The following GALNT2 variants were observed in gnomAD, a reference collection of about 807,000 sequenced individuals.
GALNT2 encodes the protein polypeptide N-acetylgalactosaminyltransferase 2.
Under a neutral mutation model 81.4 loss-of-function variants are expected in GALNT2, and 31 were observed. That is an observed-to-expected ratio of 0.38 (90% CI 0.29 to 0.51). GALNT2 has a LOEUF of 0.51. Among genes scored for constraint, GALNT2 ranks in the 20% least tolerant of loss-of-function variants. GALNT2 has a pLI of 0.87. For synonymous variants in GALNT2, 303 were observed against 287.4 expected, an observed-to-expected ratio of 1.05 and a Z score of -0.55; for missense variants, 629 against 765.7, an observed-to-expected ratio of 0.82 and a Z score of 2.11.
Position 230,090,540 on chromosome 1 carries a change from G to A in GALNT2, c.126+23134G>A, listed in dbSNP as rs140164023. 2.2e-3 allele frequency among the ~76,000 whole-genome samples: 335 copies of A among 152,256 alleles called. 3 individuals are homozygous for A. Among genetic ancestry groups the A allele is most frequent in the Admixed American group, 0.02 (303 of 15,300 alleles). The stretch of plus-strand genomic sequence containing the variant: ...TGTGTGTGGAGGTGAAGAATGGGAA[G>A]GGAAGGAGGGGTGGGGAGGGCTGGT... On this transcript the variant is annotated intron_variant, in intron 1 of 15. Coordinates refer to ENST00000366672, the MANE Select transcript of GALNT2 (RefSeq NM_004481.5).
intron 1 of GALNT2, among the ~76,000 whole-genome samples, chr1:230,091,329 C>T (rs1024448007): frequency 1.1e-4 from 16 of 152,098 alleles, no homozygotes; most frequent in African/African-American, 3.9e-4. Flanking sequence ...CCACCTTGGC[C>T]TCCCAAAGTG....
intron 1 of GALNT2, among the ~76,000 whole-genome samples, chr1:230,141,979 A>G (rs1661755637): frequency 6.6e-6 from 1 of 151,364 alleles, no homozygotes; most frequent in Admixed American, 6.6e-5. Flanking sequence ...TTTGTTAGAG[A>G]CGAGAGCCTC....
chr1:230,167,554 G>A (rs573581649), intron 1 of GALNT2, among the ~76,000 whole-genome samples: 2 of 152,368 alleles, frequency 1.3e-5, no homozygotes, highest in African/African-American at 4.8e-5. Context: ...ATGGGAGATG[G>A]TGGCACCTAC....
intron 1 of GALNT2, among the ~76,000 whole-genome samples, chr1:230,089,601 G>C (rs534706853): frequency 2.0e-5 from 3 of 152,114 alleles, no homozygotes; most frequent in Admixed American, 6.5e-5. Flanking sequence ...TGGCGGCCAG[G>C]GTTCTACCTT....
chr1:230,095,503 C>T (rs1025497436), intron 1 of GALNT2, among the ~76,000 whole-genome samples: 1 of 152,194 alleles, frequency 6.6e-6, no homozygotes, highest in Non-Finnish European at 1.5e-5. Flanking sequence ...GTGTGCTGCT[C>T]TGTGACGAGC....
chr1:230,095,012 A>G (rs7523343), intron 1 of GALNT2, among the ~76,000 whole-genome samples: 33,266 of 152,088 alleles, frequency 0.22, 3,650 homozygotes, highest in East Asian at 0.38. Flanking sequence ...TCACGGTCAC[A>G]GGACTGTCAC....
In GALNT2 at chr1:230,243,253, T is replaced by G. The variant is rs1181155449; in HGVS notation, c.608-53T>G. ...GGCGTCGCCGGTTGGCATGGGGTTGTGCTGGCCCTGTGGCTTCTCTCTCCT... is the reference window on the plus strand; with the variant it reads ...GGCGTCGCCGGTTGGCATGGGGTTGGGCTGGCCCTGTGGCTTCTCTCTCCT... On this transcript the variant is annotated intron_variant, in intron 6 of 15. Coordinates refer to ENST00000366672, the MANE Select transcript of GALNT2 (RefSeq NM_004481.5). This position sits in a 1 kb window ranked among gnomAD's most constrained non-coding sequence, Gnocchi z 4.2. 2 of 1,550,750 alleles carry G rather than the reference T, an allele frequency of 1.3e-6. No individual in the cohort carries two copies. Among genetic ancestry groups the G allele is most frequent in the Non-Finnish European group, 1.7e-6 (2 of 1,150,322 alleles).
At chr1:230,182,181 C>G (rs1325348983) in intron 2 of GALNT2, among the ~76,000 whole-genome samples, 1 of 130,388 alleles carries the variant, frequency 7.7e-6, no homozygotes, top group Non-Finnish European at 1.6e-5. Context: ...TTGAGAGAAC[C>G]AGTTTTTGTT....
At chr1:230,267,894 G>A (rs1319858071) in intron 14 of GALNT2, among the ~76,000 whole-genome samples, 2 of 152,174 alleles carry the variant, frequency 1.3e-5, no homozygotes, top group African/African-American at 2.4e-5. Context: ...GGGCCCAGGG[G>A]ACTCACTCAG....
In GALNT2 at chr1:230,193,824, G is replaced by C. The variant is rs1478610723; in HGVS notation, c.221-9313G>C. ...GTCCTGAGTGGCACTTAGGAGCGCT[G>C]TCTGGCTGTGTCTCTGGCTGCAGCC... On this transcript the variant is annotated intron_variant, in intron 2 of 15. Coordinates refer to ENST00000366672, the MANE Select transcript of GALNT2 (RefSeq NM_004481.5). The surrounding 1 kb of genome is among the most constrained non-coding windows in gnomAD (Gnocchi z 4.3). Among the ~76,000 whole-genome samples the C allele has an allele frequency of 1.3e-5, 2 of 152,200 alleles. No homozygotes were observed. The highest frequency in any genetic ancestry group is 2.9e-5 in the Non-Finnish European group (2 of 68,042).
At position 230,070,385 on chromosome 1, in the gene GALNT2, G is replaced by C; in HGVS notation, c.126+2979G>C. ...GGCTTTGGTACGTTGGCAGTGGATG[G>C]AGCCGCAGAAGAGAGGAAGGGATTT... On this transcript the variant is annotated intron_variant, in intron 1 of 15. Coordinates refer to ENST00000366672, the MANE Select transcript of GALNT2 (RefSeq NM_004481.5). The surrounding 1 kb of genome is among the most constrained non-coding windows in gnomAD (Gnocchi z 4.7). Among the ~76,000 whole-genome samples the C allele has an allele frequency of 6.6e-6, 1 of 152,140 alleles. No individual in the cohort carries two copies. The highest frequency in any genetic ancestry group is 1.9e-4 in the East Asian group (1 of 5,194).
chr1:230,119,881 T>A (rs1484341241), intron 1 of GALNT2, among the ~76,000 whole-genome samples: 1 of 152,164 alleles, frequency 6.6e-6, no homozygotes, highest in Non-Finnish European at 1.5e-5. Context: ...AGGTGGGCCC[T>A]ACATCCCATT....
intron 6 of GALNT2, among the ~76,000 whole-genome samples, chr1:230,237,031 A>C (rs1665053470): frequency 6.6e-6 from 1 of 152,258 alleles, no homozygotes; most frequent in Non-Finnish European, 1.5e-5. Context: ...AGTTTAGAAG[A>C]AAAACAAAGA....
At chr1:230,123,355 G>C (rs190092540) in intron 1 of GALNT2, among the ~76,000 whole-genome samples, 31 of 152,328 alleles carry the variant, frequency 2.0e-4, no homozygotes, top group Middle Eastern at 3.4e-3. Flanking sequence ...CCCGTTAGGG[G>C]AGTTCCAGAA....
intron 11 of GALNT2, among the ~76,000 whole-genome samples, chr1:230,258,322 C>T (rs1175641691): frequency 3.3e-5 from 5 of 151,958 alleles, no homozygotes; most frequent in African/African-American, 7.3e-5. Flanking sequence ...CTCCACCTCC[C>T]GGATTCAAGC....
At chr1:230,250,601 A>G (rs1665515185) in intron 10 of GALNT2, 41 bp downstream of exon 10, 3 of 1,467,884 alleles carry the variant, frequency 2.0e-6, no homozygotes, top group African/African-American at 2.8e-5. Flanking sequence ...GAAGTGCCTC[A>G]GCTCTGCAAA....
At chr1:230,198,378 C>T (rs1038357972) in intron 2 of GALNT2, among the ~76,000 whole-genome samples, 3 of 137,730 alleles carry the variant, frequency 2.2e-5, no homozygotes, top group Admixed American at 7.9e-5. Context: ...CAGGAGCGTA[C>T]GAGGAGTGGC....
intron 1 of GALNT2, among the ~76,000 whole-genome samples, chr1:230,118,201 C>T (rs1660904514): frequency 6.6e-6 from 1 of 152,146 alleles, no homozygotes; most frequent in South Asian, 2.1e-4. Context: ...AATACTGTTC[C>T]GTTGTCTGGA....
At chr1:230,134,530 C>G (rs1275048103) in intron 1 of GALNT2, among the ~76,000 whole-genome samples, 1 of 152,234 alleles carries the variant, frequency 6.6e-6, no homozygotes, top group African/African-American at 2.4e-5. Flanking sequence ...CTGTATCTAT[C>G]TATCTGTGGT....
Sources: gnomAD v4.1 joint callset for allele counts (sites outside exome capture counted in the v4.1 genomes callset) on GRCh38, gnomAD v4.1.1 for gene constraint, Gnocchi (gnomAD v3.1) non-coding constraint, MANE v1.5 for transcripts, NCBI Gene and HGNC (gene_info 2026-07-23, HGNC 2026-07-21) for gene names.